Variants in PDCL observed in about 807,000 individuals in gnomAD.
The protein encoded by PDCL is phosducin like.
Under a neutral mutation model 26.7 loss-of-function variants are expected in PDCL, and 11 were observed. The ratio of observed to expected loss-of-function variants is 0.41; its 90% CI spans 0.26 to 0.68. PDCL has a LOEUF of 0.68. Ranked by LOEUF, PDCL falls within the 30% of genes least tolerant of loss-of-function variation. The pLI is 0.30. For synonymous variants in PDCL, 118 were observed against 134.9 expected (o/e 0.87, Z 0.87); for missense variants, 330 against 371.6 (o/e 0.89, Z 0.92).
In PDCL at chr9:122,820,038, G is replaced by T; in HGVS notation, c.*47C>A. ...AAGGAACAAAAATAAACAATGACGT[G>T]TATTCCAACCCAAACAATGAGAAAT... On this transcript the variant is annotated 3_prime_UTR_variant, in exon 4 of 4. Transcript: ENST00000259467. The T allele has an allele frequency of 6.9e-7, 1 of 1,456,444 alleles. No homozygotes were observed. Among genetic ancestry groups the T allele is most frequent in the Non-Finnish European group, 9.3e-7 (1 of 1,074,206 alleles). 90.2% of individuals were successfully genotyped at this position (1,456,444 alleles called of 1,614,324 possible).
chr9:122,826,445 T>C (rs7037776), intron 2 of PDCL, among the ~76,000 whole-genome samples, 171 bp downstream of exon 2: 18,947 of 152,226 alleles, frequency 0.12, 2,858 homozygotes, highest in African/African-American at 0.36. Context: ...TACATTTGTA[T>C]TGTGCACTAA....
intron 2 of PDCL, among the ~76,000 whole-genome samples, chr9:122,823,675 A>C (rs949097249): frequency 7.9e-5 from 12 of 152,188 alleles, no homozygotes; most frequent in South Asian, 2.1e-4. Context: ...AGGATATGTA[A>C]GCTGTTAACA....
In PDCL at chr9:122,823,668, A is replaced by T. The variant is rs540835423; in HGVS notation, c.173-471T>A. On this transcript the variant is annotated intron_variant, in intron 2 of 3. Coordinates refer to ENST00000259467, the MANE Select transcript of PDCL (RefSeq NM_005388.5). ...TGTTTATAGAATAAGAGCTTGCAGG[A>T]TATGTAAGCTGTTAACAGTGGTTGT... Among the ~76,000 whole-genome samples, 5 of 152,238 alleles carry T rather than the reference A, an allele frequency of 3.3e-5. No homozygotes were observed. In the South Asian group the frequency reaches 1.0e-3, roughly 32 times the overall value.
At chr9:122,826,213 G>A (rs187847968) in intron 2 of PDCL, among the ~76,000 whole-genome samples, 9 of 152,304 alleles carry the variant, frequency 5.9e-5, no homozygotes, top group Admixed American at 1.3e-4. Flanking sequence ...TCAAGTGTAC[G>A]GAGAAACACA....
At position 122,818,546 on chromosome 9, in the gene PDCL, T is replaced by C. The variant is rs1041802060; in HGVS notation, c.*1539A>G. 6.6e-6 allele frequency: 1 copy of C among 151,952 alleles called. No homozygotes were observed. The highest frequency in any genetic ancestry group is 2.4e-5 in the African/African-American group (1 of 41,386). The allele number at this position is 151,952 out of a possible 1,614,324, so 9.4% of individuals were successfully genotyped here. ...AATAATTTTCAATACATTCCACCCT[T>C]TCTACTACAACGAGCTTTCTTAGTC... On this transcript the variant is annotated 3_prime_UTR_variant, in exon 4 of 4. Transcript: ENST00000259467.
chr9:122,822,129 T>C (rs768464648), intron 3 of PDCL, among the ~76,000 whole-genome samples: 14 of 152,190 alleles, frequency 9.2e-5, no homozygotes, highest in Non-Finnish European at 1.6e-4. Flanking sequence ...AATCCTCTTA[T>C]CTGCTCCCTG....
intron 3 of PDCL, among the ~76,000 whole-genome samples, chr9:122,821,823 T>C (rs1829557203): frequency 6.6e-6 from 1 of 152,084 alleles, no homozygotes; most frequent in African/African-American, 2.4e-5. Flanking sequence ...ATCTTACCCC[T>C]GCCCCGGTGC....
Position 122,826,734 on chromosome 9 carries a change from G to A in PDCL, c.54C>T (p.Ser18=), listed in dbSNP as rs1176125697. ...LLGEKLQYYY[S]SSEDEDSDHE... ...GGTCACTGTCCTCATCCTCACTGCT[G>A]CTATAGTAGTACTGCAGTTTCTCCC... Residue 18 remains serine, a synonymous_variant, in exon 2 of 4, where the codon AGC becomes AGT. Transcript: ENST00000259467. 1 of 1,614,084 alleles carries A rather than the reference G, an allele frequency of 6.2e-7. No homozygotes were observed. Among genetic ancestry groups the A allele is most frequent in the Non-Finnish European group, 8.5e-7 (1 of 1,179,984 alleles).
At chr9:122,820,666 T>C (rs1391061515) in intron 3 of PDCL, 30 bp from the exon 4 acceptor site, 3 of 1,564,220 alleles carry the variant, frequency 1.9e-6, no homozygotes, top group African/African-American at 1.4e-5. Flanking sequence ...TGAGCATAAA[T>C]ATGAAAACTG....
At chr9:122,823,276 T>C in intron 2 of PDCL, 79 bp from the exon 3 acceptor site, 1 of 1,367,192 alleles carries the variant, frequency 7.3e-7, no homozygotes, top group Admixed American at 1.7e-5. Context: ...AGGTAGGAGT[T>C]CACATCTGCC....
At chr9:122,824,644 T>C (rs190837667) in intron 2 of PDCL, among the ~76,000 whole-genome samples, 14 of 152,310 alleles carry the variant, frequency 9.2e-5, no homozygotes, top group South Asian at 2.1e-4. Context: ...CAAAAAATAC[T>C]TGAAAGACTT....
Position 122,823,000 on chromosome 9 carries a change from G to C in PDCL, c.354+16C>G. On this transcript the variant is annotated intron_variant, in intron 3 of 3. Coordinates refer to ENST00000259467, the MANE Select transcript of PDCL (RefSeq NM_005388.5). ...CCACAGCAGACTCTAAGAAAAGCCT[G>C]AGTACTGCTAATTACCTTCCCACTG... 6.2e-7 allele frequency: 1 copy of C among 1,609,744 alleles called. No homozygotes were observed. Among genetic ancestry groups the C allele is most frequent in the Non-Finnish European group, 8.5e-7 (1 of 1,176,022 alleles).
Position 122,819,184 on chromosome 9 carries a change from CTAGGTA to C in PDCL, c.*895_*900del, listed in dbSNP as rs2131360657. 6.6e-6 allele frequency: 1 copy of C among 151,076 alleles called. No individual in the cohort carries two copies. Among genetic ancestry groups the C allele is most frequent in the Non-Finnish European group, 1.5e-5 (1 of 67,876 alleles). 9.4% of individuals were successfully genotyped at this position (151,076 alleles called of 1,614,324 possible). ...ACCAAAATATTAATAGTGTTTTATTCTAGGTAGTAGGATTAGAGATTATTTTAATTT... is the reference window on the plus strand; with the variant it reads ...ACCAAAATATTAATAGTGTTTTATTCGTAGGATTAGAGATTATTTTAATTT... On this transcript the variant is annotated 3_prime_UTR_variant, in exon 4 of 4. Coordinates refer to ENST00000259467, the MANE Select transcript of PDCL (RefSeq NM_005388.5).
chr9:122,827,480 G>A (rs1346238113), intron 1 of PDCL, among the ~76,000 whole-genome samples: 2 of 152,212 alleles, frequency 1.3e-5, no homozygotes, highest in African/African-American at 2.4e-5. Flanking sequence ...TAGGGAGGCC[G>A]AGGAGGGAGG....
intron 1 of PDCL, among the ~76,000 whole-genome samples, chr9:122,827,344 G>C (rs1488787120): frequency 6.6e-6 from 1 of 152,192 alleles, no homozygotes; most frequent in African/African-American, 2.4e-5. Context: ...TGAGGGCTTG[G>C]ATGGATGGTC....
chr9:122,827,200 C>T (rs1322044468), intron 1 of PDCL, among the ~76,000 whole-genome samples: 34 of 152,202 alleles, frequency 2.2e-4, no homozygotes, highest in Admixed American at 2.2e-3. Flanking sequence ...GCTAAGACTG[C>T]TGCCTAATTG....
chr9:122,822,904 G>T, intron 3 of PDCL, 112 bp downstream of exon 3: 2 of 939,038 alleles, frequency 2.1e-6, no homozygotes, highest in Non-Finnish European at 3.4e-6. Context: ...GATTTCTCCT[G>T]CACTGCACAA....
At chr9:122,824,640 A>C (rs551782079) in intron 2 of PDCL, among the ~76,000 whole-genome samples, 2 of 152,376 alleles carry the variant, frequency 1.3e-5, no homozygotes, top group African/African-American at 2.4e-5. Flanking sequence ...CTCCCAAAAA[A>C]TACTTGAAAG....
intron 3 of PDCL, 150 bp from the exon 4 acceptor site, chr9:122,820,786 C>T (rs1829543836): frequency 3.3e-6 from 2 of 613,192 alleles, no homozygotes; most frequent in Non-Finnish European, 5.7e-6. Context: ...GAGTTCAAGA[C>T]CAGCCTGGCC....
Sources: allele counts gnomAD v4.1 joint callset (sites outside exome capture counted in the v4.1 genomes callset), GRCh38; gene constraint gnomAD v4.1.1; transcripts MANE v1.5; gene names NCBI Gene and HGNC (gene_info 2026-07-23, HGNC 2026-07-21).